Variants in DAPK2 observed in about 807,000 individuals in gnomAD.
DAPK2 encodes the protein death associated protein kinase 2, also known as death-associated protein kinase 2.
In DAPK2, 35 loss-of-function variants were observed where a neutral mutation model predicts 44.1. The ratio of observed to expected loss-of-function variants is 0.79; its 90% CI spans 0.61 to 1.05. The LOEUF is 1.05. DAPK2 is among the 50% of genes least tolerant of loss of function. DAPK2 has a pLI of 0.00. For missense variants in DAPK2, 453 were observed against 483.2 expected (o/e 0.94, Z 0.59); for synonymous variants, 174 against 182.6 (o/e 0.95, Z 0.38).
chr15:63,930,140 G>C (rs1441194256), intron 5 of DAPK2, among the ~76,000 whole-genome samples: 1 of 152,210 alleles, frequency 6.6e-6, no homozygotes, highest in Non-Finnish European at 1.5e-5. Flanking sequence ...GGGTGAGTCT[G>C]CGCCTCCCCC....
Position 64,018,523 on chromosome 15 carries a change from C to G in DAPK2, c.92+21647G>C, listed in dbSNP as rs769477958. Reference sequence around the variant, plus strand: ...CTGCCCCGCAACAAATGGCCTCCCCCATCACATAGGCAGCCAGCAGATGAA... The same window carrying G: ...CTGCCCCGCAACAAATGGCCTCCCCGATCACATAGGCAGCCAGCAGATGAA... On this transcript the variant is annotated intron_variant, in intron 1 of 10. Transcript: ENST00000261891. 2.6e-4 allele frequency among the ~76,000 whole-genome samples: 40 copies of G among 152,198 alleles called. 1 individual carries two copies. Among genetic ancestry groups the G allele is most frequent in the Non-Finnish European group, 5.1e-4 (35 of 68,040 alleles).
At position 63,995,317 on chromosome 15, in the gene DAPK2, T is replaced by G. The variant is rs189090885; in HGVS notation, c.93-11563A>C. 2.5e-3 allele frequency among the ~76,000 whole-genome samples: 381 copies of G among 152,296 alleles called. 1 individual carries two copies. The highest frequency in any genetic ancestry group is 3.9e-3 in the Non-Finnish European group (263 of 68,012). On this transcript the variant is annotated intron_variant, in intron 1 of 10. Coordinates refer to ENST00000261891, the Ensembl canonical transcript of DAPK2. ...GGCGCCCACCACCACACCCGGCTAT[T>G]CCTTTTTCTTATTACTTGTAAAAGC...
chr15:63,923,207 A>G lies in DAPK2; in HGVS notation c.858+1609T>C. The G allele has an allele frequency of 6.5e-7, 1 of 1,535,860 alleles. No individual in the cohort carries two copies. The highest frequency in any genetic ancestry group is 8.7e-7 in the Non-Finnish European group (1 of 1,146,728). ...AGCCACGTCTTCCACCACACAGGCA[A>G]AACGCTCGAAGTTGACATAGGAGTT... is the stretch of plus-strand genomic sequence containing the variant. On this transcript the variant is annotated intron_variant, in intron 8 of 10. Transcript: ENST00000261891. This position sits in a 1 kb window ranked among gnomAD's most constrained non-coding sequence, Gnocchi z 4.2.
intron 3 of DAPK2, among the ~76,000 whole-genome samples, chr15:63,961,341 C>T (rs553293620): frequency 6.6e-6 from 1 of 152,312 alleles, no homozygotes; most frequent in Admixed American, 6.5e-5. Context: ...AGCCCATTTA[C>T]ATTTAAGGTT....
intron 1 of DAPK2, among the ~76,000 whole-genome samples, chr15:63,992,087 C>T (rs998499130): frequency 1.3e-5 from 2 of 152,142 alleles, no homozygotes; most frequent in African/African-American, 4.8e-5. Context: ...TTAGCAGGGC[C>T]AAGCTGGGCT....
intron 1 of DAPK2, among the ~76,000 whole-genome samples, chr15:64,018,266 T>C (rs1433888482): frequency 4.0e-5 from 6 of 151,546 alleles, no homozygotes; most frequent in African/African-American, 1.5e-4. Context: ...CCAGTGGAGG[T>C]GGAAGAAATC....
chr15:64,042,977 T>C (rs1305935541), upstream of DAPK2, among the ~76,000 whole-genome samples: 1 of 152,248 alleles, frequency 6.6e-6, no homozygotes, highest in Non-Finnish European at 1.5e-5. This position sits in a 1 kb window ranked among gnomAD's most constrained non-coding sequence, Gnocchi z 4.7. Flanking sequence ...GAGTTGATCA[T>C]ATTCTGGCTT....
chr15:63,957,919 G>A (rs1041792608), intron 3 of DAPK2, among the ~76,000 whole-genome samples: 49 of 152,154 alleles, frequency 3.2e-4, no homozygotes, highest in African/African-American at 1.2e-3. Flanking sequence ...CTAGATCCAT[G>A]AGGAATCGCC....
chr15:63,971,164 T>C (rs2078201617), intron 3 of DAPK2, among the ~76,000 whole-genome samples: 1 of 152,204 alleles, frequency 6.6e-6, no homozygotes, highest in Non-Finnish European at 1.5e-5. Flanking sequence ...CCCTGCTCCC[T>C]GAAATAAATA....
At chr15:63,978,531 A>G (rs1173762141) in intron 2 of DAPK2, among the ~76,000 whole-genome samples, 1 of 152,134 alleles carries the variant, frequency 6.6e-6, no homozygotes, top group East Asian at 1.9e-4. Context: ...AGAAGGGAAC[A>G]GCCACTGTGC....
chr15:63,925,920 G>A, intron 7 of DAPK2, 21 bp downstream of exon 8: 4 of 1,613,984 alleles, frequency 2.5e-6, no homozygotes, highest in Non-Finnish European at 3.4e-6. Context: ...TGAGAAACCA[G>A]TGGCTTCTCT....
chr15:63,922,251 A>C, intron 8 of DAPK2: 1 of 985,898 alleles, frequency 1.0e-6, no homozygotes. Context: ...AATCAATGCA[A>C]ACGAAAGGCA....
rs2146483578 is a variant in DAPK2 at position 63,912,326 on chromosome 15, T to C, written c.859-129A>G. 1 of 812,786 alleles carries C rather than the reference T, an allele frequency of 1.2e-6. No individual in the cohort carries two copies. The highest frequency in any genetic ancestry group is 2.1e-5 in the Admixed American group (1 of 48,096). The allele number at this position is 812,786 out of a possible 1,614,324, so 50.3% of individuals were successfully genotyped here. A position where few individuals can be genotyped will look rare whatever the true frequency, so the allele number is the denominator to read the frequency against. ...TTGACCCTGGCATCTCCCCGCCAGGTGGGGCACACCGTGGGAGCATCACAG... is the reference window on the plus strand; with the variant it reads ...TTGACCCTGGCATCTCCCCGCCAGGCGGGGCACACCGTGGGAGCATCACAG... On this transcript the variant is annotated intron_variant, in intron 8 of 10. Transcript: ENST00000261891. The surrounding 1 kb of genome is among the most constrained non-coding windows in gnomAD (Gnocchi z 4.4).
intron 4 of DAPK2, among the ~76,000 whole-genome samples, chr15:63,931,440 C>T (rs2079552162): frequency 6.6e-6 from 1 of 152,124 alleles, no homozygotes; most frequent in South Asian, 2.1e-4. Flanking sequence ...GGGGCCTCGG[C>T]TATGTGGCCT....
Position 63,923,503 on chromosome 15 carries a change from A to G in DAPK2, c.858+1313T>C, listed in dbSNP as rs1418713924. Among the ~76,000 whole-genome samples, 1 of 152,220 alleles carries G rather than the reference A, an allele frequency of 6.6e-6. No individual in the cohort carries two copies. The highest frequency in any genetic ancestry group is 1.5e-5 in the Non-Finnish European group (1 of 68,040). On this transcript the variant is annotated intron_variant, in intron 8 of 10. Coordinates refer to ENST00000261891, the Ensembl canonical transcript of DAPK2. This position sits in a 1 kb window ranked among gnomAD's most constrained non-coding sequence, Gnocchi z 4.2. Reference sequence around the variant, plus strand: ...GGTGGGATGAGCACCTCCTTAGGCCATAAGTGAGGTCAAGGAGTGTGGGGG... The same window carrying G: ...GGTGGGATGAGCACCTCCTTAGGCCGTAAGTGAGGTCAAGGAGTGTGGGGG...
At chr15:63,913,816 C>A (rs930527723) in intron 8 of DAPK2, among the ~76,000 whole-genome samples, 1 of 152,196 alleles carries the variant, frequency 6.6e-6, no homozygotes, top group Non-Finnish European at 1.5e-5. Context: ...TCCTCCAAGA[C>A]AAATTCCAGA....
At chr15:64,036,975 G>C (rs1431138534) in intron 1 of DAPK2, among the ~76,000 whole-genome samples, 1 of 152,136 alleles carries the variant, frequency 6.6e-6, no homozygotes, top group Non-Finnish European at 1.5e-5. Context: ...AGCTCTGAGA[G>C]GGATTCCTGA....
intron 1 of DAPK2, among the ~76,000 whole-genome samples, chr15:63,987,435 G>C (rs900239106): frequency 2.0e-5 from 3 of 152,160 alleles, no homozygotes; most frequent in African/African-American, 7.2e-5. Flanking sequence ...TCTAATGAAA[G>C]TCATTGCTAA....
At chr15:63,954,809 T>C (rs2077679538) in intron 3 of DAPK2, among the ~76,000 whole-genome samples, 1 of 152,210 alleles carries the variant, frequency 6.6e-6, no homozygotes, top group Non-Finnish European at 1.5e-5. Flanking sequence ...CATTTTTTTG[T>C]GTGTCCTCTT....
Sources: gnomAD v4.1 joint callset for allele counts (sites outside exome capture counted in the v4.1 genomes callset) on GRCh38, gnomAD v4.1.1 for gene constraint, Gnocchi (gnomAD v3.1) non-coding constraint, MANE v1.5 for transcripts, NCBI Gene and HGNC (gene_info 2026-07-23, HGNC 2026-07-21) for gene names.